The following PCNX2 variants were observed in gnomAD, a reference collection of about 807,000 sequenced individuals.
PCNX2 encodes pecanex 2.
PCNX2 carries 168 observed loss-of-function variants against 223.8 expected under a neutral mutation model. The ratio of observed to expected loss-of-function variants is 0.75; its 90% CI spans 0.66 to 0.85. The LOEUF (loss-of-function observed/expected upper bound fraction) is 0.85, where lower values mean the gene tolerates loss of function less well. Ranked by LOEUF, PCNX2 falls within the 40% of genes least tolerant of loss-of-function variation. The pLI is 0.00. For synonymous variants in PCNX2, 1,006 were observed against 1,052.6 expected (o/e 0.96, Z 0.86); for missense variants, 2,507 against 2,675.5 (o/e 0.94, Z 1.39).
At chr1:233,155,800 TAA>T (rs1678085867) in intron 19 of PCNX2, among the ~76,000 whole-genome samples, 1 of 152,210 alleles carries the variant, frequency 6.6e-6, no homozygotes, top group Non-Finnish European at 1.5e-5. Flanking sequence ...GATCAATCAA[TAA>T]AGTCATTTGT....
At chr1:233,213,154 A>G (rs542056923) in intron 12 of PCNX2, among the ~76,000 whole-genome samples, 2 of 152,328 alleles carry the variant, frequency 1.3e-5, no homozygotes, top group African/African-American at 4.8e-5. Context: ...ATATTAGTAT[A>G]TATGTTCCTT....
At chr1:233,267,742 A>T (rs1467085876) in intron 1 of PCNX2, among the ~76,000 whole-genome samples, 1 of 152,164 alleles carries the variant, frequency 6.6e-6, no homozygotes, top group African/African-American at 2.4e-5. Flanking sequence ...TATGGCTAGA[A>T]CACATTTTGT....
At chr1:233,279,611 G>T (rs911984452) in intron 1 of PCNX2, among the ~76,000 whole-genome samples, 1 of 151,836 alleles carries the variant, frequency 6.6e-6, no homozygotes, top group Non-Finnish European at 1.5e-5. Flanking sequence ...AAGATTACAA[G>T]GTTCTATGTG....
intron 1 of PCNX2, among the ~76,000 whole-genome samples, chr1:233,293,514 G>T (rs118076880): frequency 6.6e-6 from 1 of 152,152 alleles, no homozygotes; most frequent in Non-Finnish European, 1.5e-5. Flanking sequence ...GACAGAATTC[G>T]AAAAGTACTA....
At chr1:233,045,192 C>T (rs568269897) in intron 25 of PCNX2, among the ~76,000 whole-genome samples, 1 of 152,290 alleles carries the variant, frequency 6.6e-6, no homozygotes, top group East Asian at 1.9e-4. Context: ...ATAGCATTTC[C>T]TAGCCTCTTT....
At chr1:233,188,413 G>T (rs1274461105) in intron 15 of PCNX2, among the ~76,000 whole-genome samples, 1 of 152,142 alleles carries the variant, frequency 6.6e-6, no homozygotes, top group Non-Finnish European at 1.5e-5. Context: ...GTAAGGGAGG[G>T]TCTCTACTGC....
At chr1:233,006,193 C>T (rs972345062) in intron 28 of PCNX2, among the ~76,000 whole-genome samples, 10 of 152,146 alleles carry the variant, frequency 6.6e-5, no homozygotes, top group South Asian at 4.1e-4. Context: ...AAAAATGTCA[C>T]GCTTTCAGAT....
intron 25 of PCNX2, among the ~76,000 whole-genome samples, chr1:233,045,146 A>G (rs1406252877): frequency 1.3e-5 from 2 of 152,160 alleles, no homozygotes; most frequent in African/African-American, 4.8e-5. Context: ...TTTGTTCACC[A>G]AAGCCTTTTA....
chr1:233,130,946 G>T (rs1676468463), intron 21 of PCNX2, among the ~76,000 whole-genome samples: 1 of 151,482 alleles, frequency 6.6e-6, no homozygotes. Context: ...TCCTTCCTTG[G>T]CCTCCTGGCG....
intron 8 of PCNX2, among the ~76,000 whole-genome samples, chr1:233,246,927 A>G (rs879416173): frequency 6.6e-6 from 1 of 152,220 alleles, no homozygotes; most frequent in Non-Finnish European, 1.5e-5. Context: ...TAGCCAACCC[A>G]AAGATTCCCA....
At chr1:233,269,019 A>G (rs893344288) in intron 1 of PCNX2, among the ~76,000 whole-genome samples, 1 of 152,078 alleles carries the variant, frequency 6.6e-6, no homozygotes, top group East Asian at 1.9e-4. Context: ...GTAAGTCTCT[A>G]TCACTCTGGG....
intron 22 of PCNX2, among the ~76,000 whole-genome samples, chr1:233,092,938 A>G (rs1453130191): frequency 1.6e-4 from 24 of 152,260 alleles, no homozygotes; most frequent in African/African-American, 4.8e-4. Flanking sequence ...AGCTGGGTAC[A>G]CAGGCGCCCA....
At chr1:233,266,031 C>T (rs1012247888) in intron 1 of PCNX2, among the ~76,000 whole-genome samples, 1 of 152,162 alleles carries the variant, frequency 6.6e-6, no homozygotes, top group Non-Finnish European at 1.5e-5. Context: ...TGAGAACAGG[C>T]CCTTGCCTCA....
chr1:233,176,515 AG>A (rs1176592050), intron 17 of PCNX2, among the ~76,000 whole-genome samples: 1 of 152,206 alleles, frequency 6.6e-6, no homozygotes, highest in Non-Finnish European at 1.5e-5. Flanking sequence ...GAAGATGTGG[AG>A]AACAGCTGTG....
intron 31 of PCNX2, 69 bp from the exon 32 acceptor site, chr1:232,998,507 T>C (rs1355599904): frequency 2.6e-6 from 4 of 1,539,332 alleles, no homozygotes; most frequent in Admixed American, 1.9e-5. Context: ...TGCACCACCA[T>C]GGCCTTGCCT....
At chr1:233,188,940 C>T (rs576358997) in intron 15 of PCNX2, among the ~76,000 whole-genome samples, 187 of 152,306 alleles carry the variant, frequency 1.2e-3, no homozygotes, top group African/African-American at 4.4e-3. Context: ...GGAGTGACAT[C>T]CCATCCCCTT....
chr1:233,228,559 G>T (rs1296981739), intron 9 of PCNX2, among the ~76,000 whole-genome samples: 2 of 152,242 alleles, frequency 1.3e-5, no homozygotes, highest in East Asian at 3.9e-4. Flanking sequence ...TCACACAGTA[G>T]TTGAACCTTT....
At chr1:233,057,471 G>A in intron 23 of PCNX2, 181 bp from the exon 24 acceptor site, 1 of 583,862 alleles carries the variant, frequency 1.7e-6, no homozygotes, top group Non-Finnish European at 3.1e-6. Flanking sequence ...GAGATAGAGG[G>A]AGCAGTACAA....
rs532008807 is a variant in PCNX2 at position 233,232,727 on chromosome 1, T to A, written c.2358+4118A>T. 8.5e-6 allele frequency: 7 copies of A among 820,064 alleles called. No individual in the cohort carries two copies. The South Asian group carries it at 3.4e-4, about 39-fold the overall frequency. 50.8% of individuals were successfully genotyped at this position (820,064 alleles called of 1,614,324 possible). A position where few individuals can be genotyped will look rare whatever the true frequency, so the allele number is the denominator to read the frequency against. On this transcript the variant is annotated intron_variant, in intron 9 of 33. Coordinates refer to ENST00000258229, the MANE Select transcript of PCNX2 (RefSeq NM_014801.4). The stretch of plus-strand genomic sequence containing the variant: ...GTTCTTGTTAATGTTTTAATGATAG[T>A]AAATTGTGATGTAAATGCTACCTTT...
Sources: allele counts gnomAD v4.1 joint callset (sites outside exome capture counted in the v4.1 genomes callset), GRCh38; gene constraint gnomAD v4.1.1; transcripts MANE v1.5; gene names NCBI Gene and HGNC (gene_info 2026-07-23, HGNC 2026-07-21).